The following WDR64 variants were observed in gnomAD, a reference collection of about 807,000 sequenced individuals.
WDR64 encodes the protein WD repeat domain 64.
In WDR64, 112 loss-of-function variants were observed where a neutral mutation model predicts 139.3. The ratio of observed to expected loss-of-function variants is 0.80; its 90% confidence interval spans 0.69 to 0.94. The LOEUF (loss-of-function observed/expected upper bound fraction) is 0.94. Among genes scored for constraint, WDR64 ranks in the 40% least tolerant of loss-of-function variants. The pLI, the probability that WDR64 is intolerant of heterozygous loss-of-function variation, is 0.00. For synonymous variants in WDR64, 444 were observed against 437.7 expected (o/e 1.01, Z -0.18); for missense variants, 1,206 against 1,293.1 (o/e 0.93, Z 1.03).
rs567276731 is a variant in WDR64 at position 241,772,914 on chromosome 1, C to G, written c.2413C>G (p.Arg805Gly). The G allele has an allele frequency of 1.9e-6, 3 of 1,550,860 alleles. No individual in the cohort carries two copies. The highest frequency in any genetic ancestry group is 1.2e-5 in the South Asian group (1 of 83,952). ...CACTGCTCATGAGGATGGACACCTCCGCTTGTGGACTCTGGAGGTAATGGA... is the reference window on the plus strand; with the variant it reads ...CACTGCTCATGAGGATGGACACCTCGGCTTGTGGACTCTGGAGGTAATGGA... ...LVTAHEDGHLRLWTLEGRLLK... is the reference protein window; with the variant it reads ...LVTAHEDGHLGLWTLEGRLLK... Residue 805 changes from arginine to glycine, a missense_variant, in exon 20 of 28, where the codon CGC becomes GGC. By Grantham distance (125) the Arg-to-Gly change is moderately radical. Transcript: ENST00000437684.
At chr1:241,793,987 G>A (rs1659282986) in intron 25 of WDR64, among the ~76,000 whole-genome samples, 1 of 152,034 alleles carries the variant, frequency 6.6e-6, no homozygotes, top group African/African-American at 2.4e-5. Flanking sequence ...TTCGAGACCA[G>A]CCTGGCCATC....
At chr1:241,754,559 C>G (rs1670105841) in intron 14 of WDR64, among the ~76,000 whole-genome samples, 1 of 152,034 alleles carries the variant, frequency 6.6e-6, no homozygotes, top group Non-Finnish European at 1.5e-5. Context: ...ACCTCGTGAT[C>G]TGCTGGCCTC....
intron 10 of WDR64, among the ~76,000 whole-genome samples, chr1:241,729,569 C>T (rs1383417827): frequency 1.3e-5 from 2 of 152,180 alleles, no homozygotes; most frequent in African/African-American, 4.8e-5. Flanking sequence ...GCATTCCCGT[C>T]TTTGTCTGAA....
intron 8 of WDR64, among the ~76,000 whole-genome samples, chr1:241,694,748 T>C (rs575355449): frequency 6.6e-6 from 1 of 152,286 alleles, no homozygotes; most frequent in South Asian, 2.1e-4. Flanking sequence ...ATAGCCTCCA[T>C]TTTACCAGGG....
intron 8 of WDR64, among the ~76,000 whole-genome samples, chr1:241,689,265 C>A (rs185944220): frequency 6.6e-6 from 1 of 151,572 alleles, no homozygotes; most frequent in Admixed American, 6.6e-5. Flanking sequence ...AAAAAAATTA[C>A]AAGGCATACT....
chr1:241,685,578 T>C (rs1666972557), intron 7 of WDR64, among the ~76,000 whole-genome samples: 1 of 152,192 alleles, frequency 6.6e-6, no homozygotes. Context: ...CATTTTTTCC[T>C]TATAAAGACA....
chr1:241,712,101 A>G (rs1224220036), intron 9 of WDR64, among the ~76,000 whole-genome samples: 1 of 152,108 alleles, frequency 6.6e-6, no homozygotes, highest in Non-Finnish European at 1.5e-5. Flanking sequence ...TTTTACTAGA[A>G]TTTGTTCTTA....
chr1:241,734,658 G>A (rs1424906638), intron 10 of WDR64, among the ~76,000 whole-genome samples: 9 of 151,990 alleles, frequency 5.9e-5, no homozygotes, highest in Admixed American at 4.6e-4. Context: ...GGAAAAAAAA[G>A]AGTCAAATAG....
At chr1:241,659,788 C>T (rs1291244622) in intron 1 of WDR64, among the ~76,000 whole-genome samples, 1 of 151,968 alleles carries the variant, frequency 6.6e-6, no homozygotes, top group African/African-American at 2.4e-5. Context: ...GCTTAAGTTC[C>T]TTGTAGATGC....
chr1:241,781,147 G>A (rs12143509), intron 22 of WDR64, among the ~76,000 whole-genome samples: 6 of 152,180 alleles, frequency 3.9e-5, no homozygotes, highest in Non-Finnish European at 7.4e-5. Context: ...CTACAGTTTC[G>A]CAAATGGAAT....
At position 241,658,284 on chromosome 1, in the gene WDR64, GGTGT is replaced by G. The variant is rs56011225; in HGVS notation, c.146-2219_146-2216del. Reference sequence around the variant, plus strand: ...TTGACAAAATCAAGATTCAAGCAATGGTGTGTGTGTGTGTGTGTGTGTGTGTGTG... The same window carrying G: ...TTGACAAAATCAAGATTCAAGCAATGGTGTGTGTGTGTGTGTGTGTGTGTG... On this transcript the variant is annotated intron_variant, in intron 1 of 27. Coordinates refer to ENST00000437684, the MANE Select transcript of WDR64 (RefSeq NM_001367482.1). Among the ~76,000 whole-genome samples, 213 of 147,266 alleles carry G rather than the reference GGTGT, an allele frequency of 1.4e-3. 1 individual carries two copies. The highest frequency in any genetic ancestry group is 2.2e-3 in the Non-Finnish European group (150 of 66,782).
At chr1:241,746,215 A>G (rs1304282130) in intron 13 of WDR64, among the ~76,000 whole-genome samples, 1 of 152,114 alleles carries the variant, frequency 6.6e-6, no homozygotes, top group African/African-American at 2.4e-5. Context: ...GTGCAGTGAA[A>G]ACACTCTGGG....
intron 27 of WDR64, among the ~76,000 whole-genome samples, chr1:241,798,219 C>T (rs9428519): frequency 0.21 from 32,588 of 152,000 alleles, 3,836 homozygotes; most frequent in East Asian, 0.43. Flanking sequence ...TCTGATAGAT[C>T]GTCGATCACA....
intron 2 of WDR64, among the ~76,000 whole-genome samples, chr1:241,667,531 C>G (rs1666067378): frequency 6.6e-6 from 1 of 152,108 alleles, no homozygotes; most frequent in South Asian, 2.1e-4. Flanking sequence ...TCAAACTCCT[C>G]ATATGAGTCC....
intron 10 of WDR64, among the ~76,000 whole-genome samples, chr1:241,729,098 T>G (rs1292880188): frequency 6.6e-6 from 1 of 152,252 alleles, no homozygotes; most frequent in South Asian, 2.1e-4. Context: ...AATGGTATCA[T>G]TTGTTTCCCA....
At chr1:241,774,517 T>C (rs1258526682) in intron 20 of WDR64, among the ~76,000 whole-genome samples, 1 of 152,224 alleles carries the variant, frequency 6.6e-6, no homozygotes, top group Non-Finnish European at 1.5e-5. Context: ...CTAAGCAAGA[T>C]AATACGTGTT....
rs139478471 is a variant in WDR64 at position 241,799,818 on chromosome 1, C to T, written c.3193-1314C>T. Among the ~76,000 whole-genome samples, 120 of 152,280 alleles carry T rather than the reference C, an allele frequency of 7.9e-4. 1 individual carries two copies. Among genetic ancestry groups the T allele is most frequent in the African/African-American group, 2.8e-3 (117 of 41,548 alleles). On this transcript the variant is annotated intron_variant, in intron 27 of 27. Coordinates refer to ENST00000437684, the MANE Select transcript of WDR64 (RefSeq NM_001367482.1). ...GAACACTAGAGAGCCCCACCCTTCC[C>T]ATCTTTTTCAGTCTCCTCACTGATG...
intron 1 of WDR64, among the ~76,000 whole-genome samples, chr1:241,653,543 C>T (rs373980142): frequency 4.4e-5 from 6 of 137,126 alleles, no homozygotes; most frequent in Non-Finnish European, 3.1e-5. Context: ...CTTTTCTTTT[C>T]TTTTTTTTTT....
chr1:241,797,426 T>A lies in WDR64; in HGVS notation c.3192+1056T>A, dbSNP rs149854689. Among the ~76,000 whole-genome samples, 1,286 of 152,268 alleles carry A rather than the reference T, an allele frequency of 8.4e-3. 20 individuals carry two copies. Among genetic ancestry groups the A allele is most frequent in the African/African-American group, 0.03 (1,231 of 41,550 alleles). ...CAGTCATTAAAATAGATCAAACATT[T>A]AGGAGGAAGATATAGCACATGGTAA... On this transcript the variant is annotated intron_variant, in intron 27 of 27. Coordinates refer to ENST00000437684, the MANE Select transcript of WDR64 (RefSeq NM_001367482.1).
Sources: allele counts gnomAD v4.1 joint callset (sites outside exome capture counted in the v4.1 genomes callset), GRCh38; gene constraint gnomAD v4.1.1; transcripts MANE v1.5; gene names NCBI Gene and HGNC (gene_info 2026-07-23, HGNC 2026-07-21).